The following NAALADL2 variants were observed in gnomAD, a reference collection of about 807,000 sequenced individuals.
NAALADL2 encodes the protein inactive N-acetylated-alpha-linked acidic dipeptidase-like protein 2.
A neutral mutation model predicts 87.2 loss-of-function variants in NAALADL2; 76 were observed. The ratio of observed to expected loss-of-function variants is 0.87; its 90% confidence interval spans 0.72 to 1.05. The LOEUF (loss-of-function observed/expected upper bound fraction) is 1.05. Among genes scored for constraint, NAALADL2 ranks in the 50% least tolerant of loss-of-function variants. The pLI is 0.00. For missense variants in NAALADL2, 1,089 were observed against 945.8 expected, an observed-to-expected ratio of 1.15 and a Z score of -1.99; for synonymous variants, 354 against 331.0, an observed-to-expected ratio of 1.07 and a Z score of -0.75.
At chr3:174,488,697 G>A (rs1446074323) in intron 1 of NAALADL2, among the ~76,000 whole-genome samples, 2 of 151,800 alleles carry the variant, frequency 1.3e-5, no homozygotes, top group Admixed American at 1.3e-4. Context: ...CACTTTGTCT[G>A]CATGACTTGG....
intron 4 of NAALADL2, among the ~76,000 whole-genome samples, chr3:175,311,823 A>G (rs552747328): frequency 3.3e-5 from 5 of 152,252 alleles, no homozygotes; most frequent in African/African-American, 9.6e-5. Context: ...AAATAACTTC[A>G]AGTATTTTTT....
chr3:175,589,707 A>T (rs968285657), intron 10 of NAALADL2, among the ~76,000 whole-genome samples: 47 of 151,510 alleles, frequency 3.1e-4, no homozygotes, highest in Non-Finnish European at 8.8e-5. Context: ...TTTAGAATTG[A>T]TATTTGTTCC....
At chr3:174,665,466 A>T (rs1725876082) in intron 2 of NAALADL2, among the ~76,000 whole-genome samples, 1 of 152,154 alleles carries the variant, frequency 6.6e-6, no homozygotes, top group Non-Finnish European at 1.5e-5. Flanking sequence ...ATCATGTGGC[A>T]GGTTCTGGTC....
intron 3 of NAALADL2, among the ~76,000 whole-genome samples, chr3:174,817,443 A>G (rs1720928242): frequency 6.6e-6 from 1 of 152,028 alleles, no homozygotes; most frequent in Admixed American, 6.6e-5. Flanking sequence ...CTCTACAAAA[A>G]ATTTACCAAT....
Position 175,097,060 on chromosome 3 carries a change from A to T in NAALADL2, c.314A>T (p.Asp105Val). Residue 105 changes from aspartate (D) to valine (V), a missense_variant, in exon 2 of 14, where the codon GAC becomes GTC. By Grantham distance (152) the Asp-to-Val change is radical. Transcript: ENST00000454872. ...TTCCAGAGACTTCAAGAAGAATCTGACTACATTACCCATTATACACGATCT... is the reference window on the plus strand; with the variant it reads ...TTCCAGAGACTTCAAGAAGAATCTGTCTACATTACCCATTATACACGATCT... ...GRFQRLQEES[D>V]YITHYTRSAP... 6.2e-7 allele frequency: 1 copy of T among 1,613,774 alleles called. No individual in the cohort carries two copies. Among genetic ancestry groups the T allele is most frequent in the Non-Finnish European group, 8.5e-7 (1 of 1,179,732 alleles).
At chr3:174,682,868 C>A (rs1560141486) in intron 2 of NAALADL2, among the ~76,000 whole-genome samples, 1 of 152,124 alleles carries the variant, frequency 6.6e-6, no homozygotes, top group Admixed American at 6.5e-5. Context: ...AATGAACATC[C>A]ACAAACATCA....
At chr3:174,740,143 G>A (rs1486137431) in intron 3 of NAALADL2, among the ~76,000 whole-genome samples, 1 of 151,932 alleles carries the variant, frequency 6.6e-6, no homozygotes, top group Non-Finnish European at 1.5e-5. Flanking sequence ...ATGTGGGCAA[G>A]GTGGACATGT....
chr3:175,209,099 T>C (rs1304281787), intron 2 of NAALADL2, among the ~76,000 whole-genome samples: 1 of 152,156 alleles, frequency 6.6e-6, no homozygotes, highest in Non-Finnish European at 1.5e-5. Flanking sequence ...CTCCTTTCTC[T>C]ACTTTTAGTG....
rs547400351 is a variant in NAALADL2, at chr3:174,791,865, G to A, written c.-9+54119G>A. Among the ~76,000 whole-genome samples, 22 of 152,198 alleles carry A rather than the reference G, an allele frequency of 1.4e-4. No individual in the cohort carries two copies. In the South Asian group the frequency reaches 4.4e-3, roughly 30 times the overall value. ...TATTCATTGAGGTATTTTGTGCATAGCTTAGTACCTGGCACAGAGGAAGTG... is the reference window on the plus strand; with the variant it reads ...TATTCATTGAGGTATTTTGTGCATAACTTAGTACCTGGCACAGAGGAAGTG... On this transcript the variant is annotated intron_variant, in intron 3 of 3. Transcript: ENST00000434257.
intron 1 of NAALADL2, among the ~76,000 whole-genome samples, chr3:175,084,614 C>A (rs1231575142): frequency 6.6e-6 from 1 of 152,114 alleles, no homozygotes; most frequent in African/African-American, 2.4e-5. Context: ...AATGATTTCT[C>A]TTAAGGTATA....
intron 1 of NAALADL2, among the ~76,000 whole-genome samples, chr3:174,975,071 A>G (rs1264396495): frequency 6.6e-6 from 1 of 152,124 alleles, no homozygotes; most frequent in Non-Finnish European, 1.5e-5. Flanking sequence ...GAGCTGATGC[A>G]CTAGCATCAG....
At chr3:174,953,764 T>C (rs2108522439) in intron 1 of NAALADL2, among the ~76,000 whole-genome samples, 1 of 152,100 alleles carries the variant, frequency 6.6e-6, no homozygotes, top group East Asian at 1.9e-4. Context: ...ACCACATGAC[T>C]CCCAGAACAG....
intron 1 of NAALADL2, among the ~76,000 whole-genome samples, chr3:174,948,588 T>C (rs1485422265): frequency 1.3e-5 from 2 of 152,210 alleles, no homozygotes; most frequent in Admixed American, 1.3e-4. Flanking sequence ...AAACTGAGTG[T>C]CACAACACAG....
intron 1 of NAALADL2, among the ~76,000 whole-genome samples, chr3:174,903,818 T>C (rs947427384): frequency 6.6e-6 from 1 of 151,752 alleles, no homozygotes; most frequent in East Asian, 1.9e-4. Context: ...ATTAAGAAAA[T>C]TAAAACTTTT....
intron 6 of NAALADL2, among the ~76,000 whole-genome samples, chr3:175,451,439 G>A (rs1448071728): frequency 2.0e-5 from 3 of 152,008 alleles, no homozygotes; most frequent in Non-Finnish European, 4.4e-5. Context: ...ATTTTGAATG[G>A]TCTTTTTCTT....
chr3:175,433,024 C>T (rs375502093), intron 5 of NAALADL2, among the ~76,000 whole-genome samples: 10 of 152,016 alleles, frequency 6.6e-5, no homozygotes, highest in Admixed American at 3.9e-4. Flanking sequence ...TGGGATTTTC[C>T]GGCTACTTTA....
At chr3:174,478,718 G>T (rs1399300757) in intron 1 of NAALADL2, among the ~76,000 whole-genome samples, 3 of 151,926 alleles carry the variant, frequency 2.0e-5, no homozygotes, top group African/African-American at 7.3e-5. Flanking sequence ...TTTTTGTTTT[G>T]TTTTGTTTTT....
intron 1 of NAALADL2, among the ~76,000 whole-genome samples, chr3:174,506,829 C>G (rs1719235816): frequency 6.6e-6 from 1 of 151,860 alleles, no homozygotes; most frequent in African/African-American, 2.4e-5. Context: ...GTAGCCATTG[C>G]ACTTCTTTTG....
At chr3:174,893,063 A>G (rs927896173) in intron 1 of NAALADL2, among the ~76,000 whole-genome samples, 2 of 152,174 alleles carry the variant, frequency 1.3e-5, no homozygotes, top group African/African-American at 2.4e-5. Flanking sequence ...AAGAGAAGAG[A>G]AACAATAACT....
Sources: allele counts gnomAD v4.1 joint callset (sites outside exome capture counted in the v4.1 genomes callset), GRCh38; gene constraint gnomAD v4.1.1; transcripts MANE v1.5; gene names NCBI Gene and HGNC (gene_info 2026-07-23, HGNC 2026-07-21).